The following PCSK2 variants were observed in gnomAD, a reference collection of about 807,000 sequenced individuals.
PCSK2 encodes the protein neuroendocrine convertase 2.
In PCSK2, 14 loss-of-function variants were observed where a neutral mutation model predicts 69.7. The ratio of observed to expected loss-of-function variants is 0.20; its 90% CI spans 0.13 to 0.31. PCSK2 has a LOEUF of 0.31. PCSK2 is among the 10% of genes least tolerant of loss of function. The probability of loss-of-function intolerance (pLI) is 1.00; values close to 1 mark genes in which losing one functional copy is unlikely to be tolerated. For synonymous variants in PCSK2, 307 were observed against 320.7 expected, an observed-to-expected ratio of 0.96 and a Z score of 0.46; for missense variants, 544 against 842.5, an observed-to-expected ratio of 0.65 and a Z score of 4.39.
intron 7 of PCSK2, among the ~76,000 whole-genome samples, chr20:17,436,022 AT>A (rs894187143): frequency 6.6e-6 from 1 of 152,192 alleles, no homozygotes; most frequent in Non-Finnish European, 1.5e-5. Flanking sequence ...CCTTCCCAAC[AT>A]TCTGTGAGAA....
chr20:17,335,683 A>G (rs1990329538), intron 2 of PCSK2, among the ~76,000 whole-genome samples: 1 of 150,644 alleles, frequency 6.6e-6, no homozygotes, highest in African/African-American at 2.4e-5. Flanking sequence ...AGTCCATTGT[A>G]TCATTTGTAT....
intron 1 of PCSK2, among the ~76,000 whole-genome samples, chr20:17,258,479 TA>T (rs912562755): frequency 6.6e-6 from 1 of 150,748 alleles, no homozygotes; most frequent in East Asian, 1.9e-4. Flanking sequence ...TCTTTGAATG[TA>T]AAAAAAAATG....
chr20:17,395,676 T>C (rs1306114466), intron 5 of PCSK2, among the ~76,000 whole-genome samples: 4 of 152,352 alleles, frequency 2.6e-5, no homozygotes, highest in African/African-American at 7.2e-5. Flanking sequence ...TTGTAATTTA[T>C]ACATAAAACT....
intron 1 of PCSK2, among the ~76,000 whole-genome samples, chr20:17,232,846 A>G (rs1166622503): frequency 2.0e-5 from 3 of 152,212 alleles, no homozygotes; most frequent in Non-Finnish European, 4.4e-5. Context: ...AAAGATTTCA[A>G]TCTAAGAAGA....
chr20:17,228,578 T>A (rs1332425755), intron 1 of PCSK2, among the ~76,000 whole-genome samples: 1 of 151,932 alleles, frequency 6.6e-6, no homozygotes, highest in Non-Finnish European at 1.5e-5. Context: ...TTAGGCTCCA[T>A]CTCGCTCCTG....
chr20:17,440,412 G>A (rs990692161), intron 8 of PCSK2, among the ~76,000 whole-genome samples: 1 of 152,162 alleles, frequency 6.6e-6, no homozygotes, highest in Non-Finnish European at 1.5e-5. Context: ...GGGCAGCAGG[G>A]GTGACACATT....
chr20:17,384,786 T>C (rs2031190671), intron 5 of PCSK2, among the ~76,000 whole-genome samples: 1 of 152,024 alleles, frequency 6.6e-6, no homozygotes, highest in Admixed American at 6.6e-5. Context: ...ATTAAAAATT[T>C]GCTGGGAATG....
chr20:17,466,773 A>T (rs1201325768), intron 11 of PCSK2, among the ~76,000 whole-genome samples: 3 of 152,242 alleles, frequency 2.0e-5, no homozygotes, highest in African/African-American at 7.2e-5. Context: ...GAGATGAGGC[A>T]TTCCATCAAC....
At chr20:17,426,174 G>T (rs1019733687) in intron 6 of PCSK2, among the ~76,000 whole-genome samples, 3 of 152,034 alleles carry the variant, frequency 2.0e-5, no homozygotes, top group Admixed American at 1.3e-4. Context: ...TGAATCATGG[G>T]GTCAGTTTCC....
chr20:17,273,396 T>C (rs1272561430), intron 2 of PCSK2, among the ~76,000 whole-genome samples: 1 of 152,148 alleles, frequency 6.6e-6, no homozygotes, highest in African/African-American at 2.4e-5. Flanking sequence ...TAATTTTTAA[T>C]CCCTATCATG....
At chr20:17,362,895 G>C (rs1276560043) in intron 4 of PCSK2, among the ~76,000 whole-genome samples, 1 of 152,198 alleles carries the variant, frequency 6.6e-6, no homozygotes, top group Non-Finnish European at 1.5e-5. Context: ...CTCCCCACAT[G>C]GTGAGGACAA....
At chr20:17,265,125 A>G (rs1371740406) in intron 2 of PCSK2, among the ~76,000 whole-genome samples, 1 of 152,122 alleles carries the variant, frequency 6.6e-6, no homozygotes, top group African/African-American at 2.4e-5. Flanking sequence ...TGGCCTCCCA[A>G]AATGCTGGAA....
chr20:17,354,564 A>G (rs1454759811), intron 2 of PCSK2, among the ~76,000 whole-genome samples: 1 of 152,218 alleles, frequency 6.6e-6, no homozygotes, highest in Non-Finnish European at 1.5e-5. Context: ...AAAATAGTTT[A>G]TAACCCAATC....
At chr20:17,469,142 C>T (rs897294534) in intron 11 of PCSK2, among the ~76,000 whole-genome samples, 5 of 152,246 alleles carry the variant, frequency 3.3e-5, no homozygotes, top group African/African-American at 1.2e-4. Context: ...GTCCACACAT[C>T]ATTTCTGTTC....
chr20:17,402,887 G>A (rs1379506858), intron 5 of PCSK2, among the ~76,000 whole-genome samples: 2 of 151,986 alleles, frequency 1.3e-5, no homozygotes, highest in African/African-American at 4.8e-5. Context: ...AACCTGGGAG[G>A]CGGAGCTTGC....
intron 2 of PCSK2, among the ~76,000 whole-genome samples, chr20:17,265,038 A>G (rs2123009365): frequency 6.6e-6 from 1 of 152,128 alleles, no homozygotes; most frequent in African/African-American, 2.4e-5. Context: ...TAATTTTTGT[A>G]TTTTTGGTAG....
At chr20:17,359,206 T>C (rs185218630) in intron 3 of PCSK2, among the ~76,000 whole-genome samples, 1 of 152,366 alleles carries the variant, frequency 6.6e-6, no homozygotes, top group East Asian at 1.9e-4. Context: ...TACAGCCTTG[T>C]GGACGGCTAC....
chr20:17,253,452 T>C (rs1168931003), intron 1 of PCSK2, among the ~76,000 whole-genome samples: 1 of 152,204 alleles, frequency 6.6e-6, no homozygotes, highest in East Asian at 1.9e-4. Context: ...TATAAAGAAG[T>C]GATACAATAT....
chr20:17,308,271 T>C (rs1212784598), intron 2 of PCSK2, among the ~76,000 whole-genome samples: 3 of 152,160 alleles, frequency 2.0e-5, no homozygotes, highest in African/African-American at 7.2e-5. Flanking sequence ...CCTCCAACAC[T>C]GGGGATTACA....
Sources: allele counts gnomAD v4.1 joint callset (sites outside exome capture counted in the v4.1 genomes callset), GRCh38; gene constraint gnomAD v4.1.1; transcripts MANE v1.5; gene names NCBI Gene and HGNC (gene_info 2026-07-23, HGNC 2026-07-21).